Variants in ZNF48 observed in about 807,000 individuals in gnomAD.
The protein encoded by ZNF48 is zinc finger protein 553.
Under a neutral mutation model 40.0 loss-of-function variants are expected in ZNF48, and 20 were observed. The observed-to-expected ratio is 0.50, with a 90% CI of 0.35 to 0.73. The LOEUF (loss-of-function observed/expected upper bound fraction) is 0.73. Ranked by LOEUF, ZNF48 falls within the 30% of genes least tolerant of loss-of-function variation. The pLI, the probability that ZNF48 is intolerant of heterozygous loss-of-function variation, is 0.01. For missense variants in ZNF48, 726 were observed against 851.9 expected (o/e 0.85, Z 1.84); for synonymous variants, 298 against 329.7 (o/e 0.90, Z 1.04).
chr16:30,380,091 T>A, intron 1 of ZNF48: 1 of 1,437,370 alleles, frequency 7.0e-7, no homozygotes, highest in Non-Finnish European at 9.5e-7. Flanking sequence ...AGACATTTCA[T>A]GACCAGAGAC....
chr16:30,389,816 GT>G (rs56373430), intron 1 of ZNF48, among the ~76,000 whole-genome samples: 29 of 22,496 alleles, frequency 1.3e-3, no homozygotes, highest in East Asian at 2.5e-3. Context: ...ATTTGGATTA[GT>G]TTTTTTTTTT....
upstream of ZNF48, among the ~76,000 whole-genome samples, chr16:30,392,646 T>C (rs1222042465): frequency 2.6e-5 from 4 of 152,200 alleles, no homozygotes; most frequent in Non-Finnish European, 5.9e-5. Context: ...TTATCATCCC[T>C]ATTTTACAGT....
rs535023006 is a variant in ZNF48 at position 30,397,088 on chromosome 16, T to C, written c.80-242T>C. 4.6e-5 allele frequency among the ~76,000 whole-genome samples: 7 copies of C among 152,328 alleles called. No individual in the cohort carries two copies. The highest frequency in any genetic ancestry group is 1.3e-4 in the Admixed American group (2 of 15,290). ...TAATATGGGGATAGTCATAGTGTTA[T>C]AGTATTGTTTGCAAGCGTTTAATAC... On this transcript the variant is annotated intron_variant, in intron 2 of 2. Transcript: ENST00000613509. The surrounding 1 kb of genome is among the most constrained non-coding windows in gnomAD (Gnocchi z 4.1).
chr16:30,381,611 G>A lies in ZNF48; in HGVS notation c.-16+3201G>A. 1.4e-6 allele frequency: 2 copies of A among 1,457,394 alleles called. No individual in the cohort carries two copies. The highest frequency in any genetic ancestry group is 1.3e-5 in the South Asian group (1 of 78,476). 90.3% of individuals were successfully genotyped at this position (1,457,394 alleles called of 1,614,324 possible). On this transcript the variant is annotated intron_variant, in intron 1 of 2. Transcript: ENST00000528032. The surrounding 1 kb of genome is among the most constrained non-coding windows in gnomAD (Gnocchi z 4.3). ...TTAAGGGGAACTGGTGGGGGCCTAG[G>A]TGAGTCATCAAGAAGCACAGGGACC...
In ZNF48 at chr16:30,381,653, CAG is replaced by C; in HGVS notation, c.-16+3245_-16+3246del. 1.3e-6 allele frequency: 2 copies of C among 1,539,158 alleles called. No individual in the cohort carries two copies. Among genetic ancestry groups the C allele is most frequent in the Non-Finnish European group, 1.8e-6 (2 of 1,138,204 alleles). ...ACAGGGACCCAGTGGCCCTCTGAAA[CAG>C]ACACCACCTTTTGAGATAGGGAGCC... On this transcript the variant is annotated intron_variant, in intron 1 of 2. Transcript: ENST00000528032. This position sits in a 1 kb window ranked among gnomAD's most constrained non-coding sequence, Gnocchi z 4.3.
At position 30,399,027 on chromosome 16, in the gene ZNF48, C is replaced by A; in HGVS notation, c.1777C>A (p.His593Asn). 1 of 1,613,724 alleles carries A rather than the reference C, an allele frequency of 6.2e-7. No homozygotes were observed. Among genetic ancestry groups the A allele is most frequent in the Non-Finnish European group, 8.5e-7 (1 of 1,179,852 alleles). The change falls in exon 3 of 3, where the codon CAC becomes AAC. Residue 593 changes from histidine to asparagine, a missense_variant. Coordinates refer to ENST00000613509, the MANE Select transcript of ZNF48 (RefSeq NM_001214909.2). ...TGCCCGCATCAAGCACCAGCGTGGG[C>A]ACCTGGTCCTGACGCCCTTTGGGAT... is the stretch of plus-strand genomic sequence containing the variant. ...SSARIKHQRG[H>N]LVLTPFGIGD...
In ZNF48 at chr16:30,384,223, A is replaced by G. The variant is rs1221981521; in HGVS notation, c.-16+5813A>G. On this transcript the variant is annotated intron_variant, in intron 1 of 2. Transcript: ENST00000528032. ...GAGCAAGACCCTATCTCAAACAAAC[A>G]AACAAACAAACAAATCTACCTCAGG... is the stretch of plus-strand genomic sequence containing the variant. 2.7e-5 allele frequency among the ~76,000 whole-genome samples: 4 copies of G among 149,708 alleles called. No homozygotes were observed. The East Asian group carries it at 7.9e-4, about 30-fold the overall frequency.
Position 30,397,446 on chromosome 16 carries a change from T to C in ZNF48, c.196T>C (p.Ser66Pro), listed in dbSNP as rs1158909042. 1 of 1,614,066 alleles carries C rather than the reference T, an allele frequency of 6.2e-7. No homozygotes were observed. The highest frequency in any genetic ancestry group is 8.5e-7 in the Non-Finnish European group (1 of 1,179,970). Residue 66 changes from serine to proline, a missense_variant, in exon 3 of 3, where the codon TCT becomes CCT. Ser to Pro is a moderately conservative substitution (Grantham distance 74). Coordinates refer to ENST00000613509, the MANE Select transcript of ZNF48 (RefSeq NM_001214909.2). This position sits in a 1 kb window ranked among gnomAD's most constrained non-coding sequence, Gnocchi z 4.1. Reference protein sequence around the residue: ...LAPDHEVGNASLKPEGIQNWD... With the variant: ...LAPDHEVGNAPLKPEGIQNWD... ...TCCAGATCATGAAGTAGGAAATGCC[T>C]CTCTCAAACCTGAAGGCATCCAGAA...
chr16:30,383,680 G>A (rs1310033820), intron 1 of ZNF48, among the ~76,000 whole-genome samples: 11 of 152,108 alleles, frequency 7.2e-5, no homozygotes, highest in Admixed American at 7.2e-4. Context: ...AAATCCTTCA[G>A]GAACTCCCCA....
In ZNF48 at chr16:30,399,359, T is replaced by C. The variant is rs1219158365; in HGVS notation, c.*252T>C. 9 of 416,582 alleles carry C rather than the reference T, an allele frequency of 2.2e-5. No individual in the cohort carries two copies. Among genetic ancestry groups the C allele is most frequent in the South Asian group, 1.8e-4 (3 of 16,872 alleles). 25.8% of individuals were successfully genotyped at this position (416,582 alleles called of 1,614,324 possible). ...AGACTGCCTAGCACACAGTAGGCAT[T>C]CAATACTTGTTGAATAAATAAACTG... On this transcript the variant is annotated 3_prime_UTR_variant, in exon 3 of 3. Transcript: ENST00000613509.
rs756339044 is a variant in ZNF48, at chr16:30,381,523, G to A, written c.-16+3113G>A. The A allele has an allele frequency of 6.2e-7, 1 of 1,606,108 alleles. No individual in the cohort carries two copies. The highest frequency in any genetic ancestry group is 1.1e-5 in the South Asian group (1 of 90,782). On this transcript the variant is annotated intron_variant, in intron 1 of 2. Transcript: ENST00000528032. This position sits in a 1 kb window ranked among gnomAD's most constrained non-coding sequence, Gnocchi z 4.3. Reference sequence around the variant, plus strand: ...GTCAGAGATCAAAGGCCAGAGGGCAGGGGGCAAGGCTAGCCAGGACTGTGG... The same window carrying A: ...GTCAGAGATCAAAGGCCAGAGGGCAAGGGGCAAGGCTAGCCAGGACTGTGG...
chr16:30,391,254 A>C (rs1456219406), upstream of ZNF48, among the ~76,000 whole-genome samples: 1 of 151,812 alleles, frequency 6.6e-6, no homozygotes. Flanking sequence ...GAGTGCAGTG[A>C]TCTCTGCTCA....
chr16:30,378,911 C>A, intron 1 of ZNF48: 1 of 1,101,826 alleles, frequency 9.1e-7, no homozygotes. Context: ...AGAGAGAAGT[C>A]TGAGTGGTGA....
chr16:30,387,181 G>C (rs1461332336), intron 1 of ZNF48, among the ~76,000 whole-genome samples: 1 of 148,800 alleles, frequency 6.7e-6, no homozygotes, highest in Non-Finnish European at 1.5e-5. Flanking sequence ...CTGACCTTGT[G>C]ATCCGCCCGC....
upstream of ZNF48, among the ~76,000 whole-genome samples, chr16:30,394,250 T>C (rs2049962925): frequency 6.6e-6 from 1 of 152,208 alleles, no homozygotes; most frequent in African/African-American, 2.4e-5. Context: ...CAAGGACAAA[T>C]CTTGCAGGTG....
chr16:30,395,092 G>A (rs2049968767), upstream of ZNF48: 1 of 391,622 alleles, frequency 2.6e-6, no homozygotes, highest in Non-Finnish European at 5.3e-6. This position sits in a 1 kb window ranked among gnomAD's most constrained non-coding sequence, Gnocchi z 5.9. Context: ...CCTTTCCCCG[G>A]GTCCGTCTTT....
intron 2 of ZNF48, chr16:30,396,095 TGCCCTACTTCAG>T: frequency 2.3e-6 from 1 of 436,978 alleles, no homozygotes; most frequent in Non-Finnish European, 4.1e-6. Context: ...TTACTGCCTC[TGCCCTACTTCAG>T]GCTTCATTCT....
chr16:30,387,545 G>A (rs1045292847), intron 1 of ZNF48, among the ~76,000 whole-genome samples: 4 of 149,542 alleles, frequency 2.7e-5, no homozygotes, highest in African/African-American at 7.3e-5. Flanking sequence ...ACAAGAGTGA[G>A]ACTTCCTCTC....
Position 30,397,598 on chromosome 16 carries a change from G to C in ZNF48, c.348G>C (p.Glu116Asp). 1 of 1,614,130 alleles carries C rather than the reference G, an allele frequency of 6.2e-7. No individual in the cohort carries two copies. Among genetic ancestry groups the C allele is most frequent in the Non-Finnish European group, 8.5e-7 (1 of 1,180,032 alleles). The change falls in exon 3 of 3, where the codon GAG (glutamate) becomes GAC (aspartate). Residue 116 changes from glutamate to aspartate, a missense_variant. Glu to Asp is a conservative substitution (Grantham distance 45). This residue lies in a region of ZNF48 where 151 missense variants were observed against 162.3 expected (regional missense o/e 0.93). Transcript: ENST00000613509. The surrounding 1 kb of genome is among the most constrained non-coding windows in gnomAD (Gnocchi z 4.1). ...ASSDRAAVCG[E>D]CGKSFRQMSD... ...GTGATCGGGCCGCTGTGTGTGGTGA[G>C]TGTGGCAAAAGCTTCAGGCAGATGT...
Sources: allele counts gnomAD v4.1 joint callset (sites outside exome capture counted in the v4.1 genomes callset), GRCh38; gene constraint gnomAD v4.1.1; regional missense constraint gnomAD v4.1.1; non-coding constraint Gnocchi (gnomAD v3.1); transcripts MANE v1.5; gene names NCBI Gene and HGNC (gene_info 2026-07-23, HGNC 2026-07-21).